Variants in MEGF11 observed in about 807,000 individuals in gnomAD.
MEGF11 encodes multiple epidermal growth factor-like domains protein 11.
A neutral mutation model predicts 146.6 loss-of-function variants in MEGF11; 126 were observed. The observed-to-expected ratio is 0.86, with a 90% CI of 0.74 to 1.00. The LOEUF is 1.00. MEGF11 is among the 50% of genes least tolerant of loss of function. MEGF11 has a pLI of 0.00. For missense variants in MEGF11, 1,509 were observed against 1,521.2 expected, an observed-to-expected ratio of 0.99 and a Z score of 0.13; for synonymous variants, 532 against 583.4, an observed-to-expected ratio of 0.91 and a Z score of 1.27.
chr15:65,970,732 A>G, intron 7 of MEGF11, 43 bp from the exon 8 acceptor site: 1 of 1,571,362 alleles, frequency 6.4e-7, no homozygotes, highest in Non-Finnish European at 8.6e-7. Flanking sequence ...TGCTCCAGAA[A>G]TGCCAAACTT....
At chr15:66,056,767 G>C (rs954852115) in intron 5 of MEGF11, among the ~76,000 whole-genome samples, 7 of 152,214 alleles carry the variant, frequency 4.6e-5, no homozygotes, top group Admixed American at 2.0e-4. Flanking sequence ...GGAACTTGCT[G>C]TGTGACCTTG....
At chr15:66,224,029 A>G (rs940212375) in intron 1 of MEGF11, among the ~76,000 whole-genome samples, 10 of 152,190 alleles carry the variant, frequency 6.6e-5, no homozygotes, top group Non-Finnish European at 1.5e-4. Context: ...TCAATCAGTC[A>G]TGATGGGGGA....
At chr15:65,925,553 G>C (rs558483911) in intron 13 of MEGF11, among the ~76,000 whole-genome samples, 7 of 152,164 alleles carry the variant, frequency 4.6e-5, no homozygotes, top group Non-Finnish European at 1.0e-4. Flanking sequence ...GGCCTTTGTG[G>C]GAGGCTCCCA....
chr15:66,137,175 G>A (rs952633838), intron 1 of MEGF11, among the ~76,000 whole-genome samples: 5 of 152,174 alleles, frequency 3.3e-5, no homozygotes, highest in Admixed American at 6.5e-5. Flanking sequence ...AAGTATGGAA[G>A]CCCATACACC....
At chr15:65,955,739 T>TAAAAAAAAAAAAAA (rs1189666912) in intron 10 of MEGF11, among the ~76,000 whole-genome samples, 1 of 9,736 alleles carries the variant, frequency 1.0e-4, no homozygotes, top group Non-Finnish European at 1.5e-4. Context: ...GTGAGACTCT[T>TAAAAAAAAAAAAAA]AAAAAAAAAA....
In MEGF11 at chr15:66,015,168, G is replaced by A. The variant is rs563240163; in HGVS notation, c.395-32680C>T. On this transcript the variant is annotated intron_variant, in intron 5 of 25. Coordinates refer to ENST00000395614, the MANE Select transcript of MEGF11 (RefSeq NM_001385028.1). The stretch of plus-strand genomic sequence containing the variant: ...TTATCTGTGGACCAGGGAGCCACAC[G>A]GAGGGGTCTACATACCCAAGTCCCC... Among the ~76,000 whole-genome samples, 9 of 152,290 alleles carry A rather than the reference G, an allele frequency of 5.9e-5. No homozygotes were observed. In the South Asian group the frequency reaches 1.7e-3, roughly 28 times the overall value.
chr15:66,041,927 G>A (rs1412608244), intron 5 of MEGF11, among the ~76,000 whole-genome samples: 1 of 152,070 alleles, frequency 6.6e-6, no homozygotes, highest in Non-Finnish European at 1.5e-5. Flanking sequence ...CTGAGTCCAT[G>A]CTCTTAAAAA....
At chr15:65,972,973 C>G (rs1008156545) in intron 7 of MEGF11, among the ~76,000 whole-genome samples, 1 of 152,016 alleles carries the variant, frequency 6.6e-6, no homozygotes, top group African/African-American at 2.4e-5. Context: ...CAAAATTAAC[C>G]GGGCGTGGTG....
chr15:66,037,807 G>T (rs191491969), intron 5 of MEGF11, among the ~76,000 whole-genome samples: 1 of 152,244 alleles, frequency 6.6e-6, no homozygotes, highest in Admixed American at 6.5e-5. Context: ...CAATGTCCTC[G>T]CCAGTCTGGC....
intron 1 of MEGF11, among the ~76,000 whole-genome samples, chr15:66,146,613 G>A (rs1206056209): frequency 6.6e-6 from 1 of 152,222 alleles, no homozygotes; most frequent in African/African-American, 2.4e-5. Flanking sequence ...CCTGATCAGT[G>A]TGGGGACCCC....
intron 1 of MEGF11, among the ~76,000 whole-genome samples, chr15:66,141,287 T>A (rs4776747): frequency 0.62 from 60,193 of 96,714 alleles, 18,269 homozygotes; most frequent in South Asian, 0.76. Context: ...TGTGTGTGTG[T>A]GTGAGAGAGA....
chr15:66,235,390 T>C (rs1334558795), intron 1 of MEGF11, among the ~76,000 whole-genome samples: 1 of 151,792 alleles, frequency 6.6e-6, no homozygotes. Context: ...TATTCCCGGC[T>C]ACTTGGGAGG....
intron 4 of MEGF11, among the ~76,000 whole-genome samples, chr15:66,116,599 G>A (rs2087742536): frequency 6.6e-6 from 1 of 152,180 alleles, no homozygotes; most frequent in Non-Finnish European, 1.5e-5. Context: ...ATGCAACAAG[G>A]ACCCTGTAAG....
chr15:65,908,973 T>C, intron 23 of MEGF11, 61 bp downstream of exon 23: 1 of 1,061,874 alleles, frequency 9.4e-7, no homozygotes, highest in Non-Finnish European at 1.4e-6. Flanking sequence ...GGGATGGGGA[T>C]TAGGGCAGGT....
chr15:66,125,115 C>G (rs1159488670), intron 2 of MEGF11, among the ~76,000 whole-genome samples: 3 of 152,192 alleles, frequency 2.0e-5, no homozygotes, highest in African/African-American at 7.2e-5. Flanking sequence ...GGTCAAAGGT[C>G]TGGCATCCAG....
chr15:65,966,191 T>A (rs1331545523), intron 8 of MEGF11, among the ~76,000 whole-genome samples: 1 of 152,194 alleles, frequency 6.6e-6, no homozygotes, highest in Non-Finnish European at 1.5e-5. Flanking sequence ...AGACGGGGTT[T>A]CACCATGTTG....
chr15:66,190,429 T>C (rs1439909134), intron 1 of MEGF11, among the ~76,000 whole-genome samples: 2 of 151,998 alleles, frequency 1.3e-5, no homozygotes, highest in Non-Finnish European at 1.5e-5. Flanking sequence ...AGAGTGTCTA[T>C]GGGGATTGGT....
At chr15:66,030,710 A>C (rs2083485635) in intron 5 of MEGF11, among the ~76,000 whole-genome samples, 1 of 151,920 alleles carries the variant, frequency 6.6e-6, no homozygotes, top group South Asian at 2.1e-4. Flanking sequence ...GTGCCCTGCC[A>C]CCCCTCAACT....
chr15:66,166,533 G>C (rs1235908745), intron 1 of MEGF11, among the ~76,000 whole-genome samples: 1 of 152,066 alleles, frequency 6.6e-6, no homozygotes, highest in Non-Finnish European at 1.5e-5. Flanking sequence ...ATTCACAACC[G>C]GGATAAACCC....
Sources: allele counts gnomAD v4.1 joint callset (sites outside exome capture counted in the v4.1 genomes callset), GRCh38; gene constraint gnomAD v4.1.1; transcripts MANE v1.5; gene names NCBI Gene and HGNC (gene_info 2026-07-23, HGNC 2026-07-21).